Variants in REEP1 observed in about 807,000 individuals in gnomAD.
REEP1 encodes the protein receptor accessory protein 1.
In REEP1, 22 loss-of-function variants were observed where a neutral mutation model predicts 40.3. The ratio of observed to expected loss-of-function variants is 0.55; its 90% CI spans 0.39 to 0.78. REEP1 has a LOEUF of 0.78. REEP1 is among the 30% of genes least tolerant of loss of function. The probability of loss-of-function intolerance (pLI) is 0.00; values close to 1 mark genes in which losing one functional copy is unlikely to be tolerated. For missense variants in REEP1, 280 were observed against 361.1 expected (o/e 0.78, Z 1.82); for synonymous variants, 116 against 139.2 (o/e 0.83, Z 1.17).
intron 7 of REEP1, among the ~76,000 whole-genome samples, chr2:86,226,105 C>CCACCAA (rs1674677006): frequency 6.8e-6 from 1 of 147,478 alleles, no homozygotes; most frequent in Non-Finnish European, 1.5e-5. Flanking sequence ...ACCACCACCA[C>CCACCAA]CACCACCACC....
intron 1 of REEP1, among the ~76,000 whole-genome samples, chr2:86,311,232 G>A (rs1402769390): frequency 1.3e-5 from 2 of 152,144 alleles, no homozygotes; most frequent in East Asian, 1.9e-4. Context: ...AAAATACCGG[G>A]AGCCTGCACC....
At chr2:86,306,871 C>T (rs1265963278) in intron 1 of REEP1, among the ~76,000 whole-genome samples, 1 of 151,918 alleles carries the variant, frequency 6.6e-6, no homozygotes, top group Middle Eastern at 3.4e-3. Context: ...TTGATAGTTT[C>T]CTGTTGGGAG....
upstream of REEP1, chr2:86,337,884 C>A: frequency 1.1e-6 from 1 of 922,642 alleles, no homozygotes; most frequent in African/African-American, 1.7e-5. This position sits in a 1 kb window ranked among gnomAD's most constrained non-coding sequence, Gnocchi z 5.8. Context: ...AGGGCAGGGA[C>A]CCGGGTGCTG....
At chr2:86,291,914 C>T (rs1678723974) in intron 1 of REEP1, among the ~76,000 whole-genome samples, 1 of 152,200 alleles carries the variant, frequency 6.6e-6, no homozygotes, top group Non-Finnish European at 1.5e-5. Flanking sequence ...CAGGAACAAA[C>T]ATTCTGTAAA....
chr2:86,325,334 T>G (rs1489252729), intron 1 of REEP1, among the ~76,000 whole-genome samples: 4 of 152,212 alleles, frequency 2.6e-5, no homozygotes, highest in Non-Finnish European at 5.9e-5. Context: ...TGTTCTTAGA[T>G]GAACTCCCCT....
At chr2:86,275,673 C>T (rs1393114772) in intron 2 of REEP1, among the ~76,000 whole-genome samples, 2 of 152,224 alleles carry the variant, frequency 1.3e-5, no homozygotes, top group Non-Finnish European at 2.9e-5. Context: ...AAGGCCACTG[C>T]CCACGTTTCC....
intron 2 of REEP1, chr2:86,280,077 T>C: frequency 2.2e-6 from 1 of 456,092 alleles, no homozygotes; most frequent in East Asian, 6.9e-5. Context: ...ACCAACTGGG[T>C]GGGGCGTGGG....
intron 1 of REEP1, among the ~76,000 whole-genome samples, chr2:86,333,210 A>C (rs975345126): frequency 1.3e-5 from 2 of 152,212 alleles, no homozygotes; most frequent in Non-Finnish European, 2.9e-5. Context: ...CTTATATTTA[A>C]GGATTTACGA....
At chr2:86,257,894 T>C (rs1676656088) in intron 3 of REEP1, among the ~76,000 whole-genome samples, 2 of 152,072 alleles carry the variant, frequency 1.3e-5, no homozygotes, top group Non-Finnish European at 2.9e-5. Context: ...CCGCCTGGGA[T>C]TACAAGCATG....
intron 3 of REEP1, 151 bp downstream of exon 3, chr2:86,263,814 A>T (rs1676993224): frequency 1.4e-6 from 1 of 697,468 alleles, no homozygotes. Context: ...TTTGTGGACT[A>T]ATCTATTAAA....
At chr2:86,254,901 C>T (rs577846874) in intron 3 of REEP1, 87 bp from the exon 4 acceptor site, 27 of 1,468,490 alleles carry the variant, frequency 1.8e-5, no homozygotes, top group South Asian at 1.4e-4. Context: ...GTGGCAAGGA[C>T]GCCTCTCCTG....
chr2:86,227,316 C>A, intron 7 of REEP1, 47 bp downstream of exon 7: 1 of 1,231,296 alleles, frequency 8.1e-7, no homozygotes, highest in Non-Finnish European at 1.0e-6. Flanking sequence ...GAAGCTCTTT[C>A]CGAGTGAGAG....
chr2:86,280,794 G>A (rs937828840), intron 2 of REEP1, among the ~76,000 whole-genome samples: 3 of 152,134 alleles, frequency 2.0e-5, no homozygotes, highest in East Asian at 1.9e-4. Flanking sequence ...GGGGTGGGGT[G>A]GGGGGTGAGT....
intron 1 of REEP1, among the ~76,000 whole-genome samples, chr2:86,331,201 G>A (rs777475718): frequency 1.3e-5 from 2 of 152,140 alleles, no homozygotes; most frequent in Admixed American, 6.6e-5. Context: ...TCCCAACTCT[G>A]GAACCCATAG....
At chr2:86,299,271 C>G (rs1679151896) in intron 1 of REEP1, among the ~76,000 whole-genome samples, 1 of 152,192 alleles carries the variant, frequency 6.6e-6, no homozygotes, top group Admixed American at 6.5e-5. Context: ...ATGCATTGGA[C>G]TAGAAGCCTT....
At chr2:86,262,511 T>C (rs1436842075) in intron 3 of REEP1, among the ~76,000 whole-genome samples, 1 of 152,228 alleles carries the variant, frequency 6.6e-6, no homozygotes, top group Non-Finnish European at 1.5e-5. Flanking sequence ...CTTCTCTCAG[T>C]GGAGGTGAAA....
intron 1 of REEP1, among the ~76,000 whole-genome samples, chr2:86,331,362 G>C (rs116165026): frequency 1.2e-3 from 185 of 152,314 alleles, no homozygotes; most frequent in African/African-American, 4.2e-3. Flanking sequence ...TGAGTGAAGG[G>C]AGGCAGGATG....
rs576606695 is a variant in REEP1 at position 86,281,396 on chromosome 2, G to A, written c.105+774C>T. Among the ~76,000 whole-genome samples, 5 of 152,142 alleles carry A rather than the reference G, an allele frequency of 3.3e-5. No individual in the cohort carries two copies. The South Asian group carries it at 8.3e-4, about 25-fold the overall frequency. On this transcript the variant is annotated intron_variant, in intron 2 of 8. Transcript: ENST00000538924. ...TATAATCCCCGCTTTTTGGGAGGCC[G>A]AGGCAGGCAGATCACGAGGTCAGGA...
chr2:86,257,548 C>A (rs1301923924), intron 3 of REEP1, among the ~76,000 whole-genome samples: 1 of 152,104 alleles, frequency 6.6e-6, no homozygotes, highest in Non-Finnish European at 1.5e-5. Context: ...CCCGTTACTA[C>A]ATCTTGCTTC....
Sources: allele counts gnomAD v4.1 joint callset (sites outside exome capture counted in the v4.1 genomes callset), GRCh38; gene constraint gnomAD v4.1.1; non-coding constraint Gnocchi (gnomAD v3.1); transcripts MANE v1.5; gene names NCBI Gene and HGNC (gene_info 2026-07-23, HGNC 2026-07-21).